Variants in SDHAF3 observed in about 807,000 individuals in gnomAD.
SDHAF3 encodes succinate dehydrogenase assembly factor 3, mitochondrial.
SDHAF3 carries 18 observed loss-of-function variants against 11.5 expected under a neutral mutation model. The ratio of observed to expected loss-of-function variants is 1.56; its 90% CI spans 1.08 to 2.32. The LOEUF is 2.32. SDHAF3 is among the 30% of genes most tolerant of loss of function. The pLI is 0.00. For missense variants in SDHAF3, 200 were observed against 154.4 expected (o/e 1.30, Z -1.57); for synonymous variants, 72 against 59.3 (o/e 1.21, Z -0.99).
chr7:97,179,183 A>G (rs908070458), intron 1 of SDHAF3, among the ~76,000 whole-genome samples: 1 of 152,098 alleles, frequency 6.6e-6, no homozygotes, highest in African/African-American at 2.4e-5. Context: ...TCCTCATTCT[A>G]TTGGTGTTAT....
At chr7:97,144,278 T>G (rs932420348) in intron 1 of SDHAF3, among the ~76,000 whole-genome samples, 2 of 152,200 alleles carry the variant, frequency 1.3e-5, no homozygotes, top group African/African-American at 2.4e-5. Flanking sequence ...TCTCCCACTC[T>G]TGTGTGTTGT....
chr7:97,137,474 G>A (rs1788945303), intron 1 of SDHAF3, among the ~76,000 whole-genome samples: 1 of 152,176 alleles, frequency 6.6e-6, no homozygotes, highest in African/African-American at 2.4e-5. Flanking sequence ...TCAAGGATAT[G>A]GAGAAATTGT....
At chr7:97,131,720 A>G (rs886853290) in intron 1 of SDHAF3, among the ~76,000 whole-genome samples, 1 of 152,198 alleles carries the variant, frequency 6.6e-6, no homozygotes, top group African/African-American at 2.4e-5. Flanking sequence ...ATTAATATGA[A>G]AAGAACTTAT....
chr7:97,173,925 T>C (rs1467494689), intron 1 of SDHAF3, among the ~76,000 whole-genome samples: 2 of 151,020 alleles, frequency 1.3e-5, no homozygotes, highest in African/African-American at 2.4e-5. Context: ...AGCTTTTTTT[T>C]CTTTTTTTTT....
intron 1 of SDHAF3, among the ~76,000 whole-genome samples, chr7:97,132,381 CT>C (rs1260033063): frequency 6.6e-6 from 1 of 151,304 alleles, no homozygotes; most frequent in Non-Finnish European, 1.5e-5. Context: ...CTAAGTATTT[CT>C]TTTTTACGTA....
intron 1 of SDHAF3, among the ~76,000 whole-genome samples, chr7:97,120,174 G>C (rs1013478515): frequency 1.3e-5 from 2 of 152,046 alleles, no homozygotes; most frequent in Non-Finnish European, 2.9e-5. Context: ...TAGTTGACAC[G>C]CGTCTGTAGA....
intron 1 of SDHAF3, among the ~76,000 whole-genome samples, chr7:97,119,255 T>A (rs1584204587): frequency 4.6e-5 from 7 of 152,028 alleles, no homozygotes; most frequent in Admixed American, 4.6e-4. Flanking sequence ...GGAAGGAGAG[T>A]AGCTCTCTGT....
chr7:97,162,765 TGA>T (rs1789434040), intron 1 of SDHAF3, among the ~76,000 whole-genome samples: 1 of 152,234 alleles, frequency 6.6e-6, no homozygotes, highest in African/African-American at 2.4e-5. Flanking sequence ...CTGTTTGTTA[TGA>T]TTTCCATTCT....
chr7:97,127,347 T>C (rs1049478890), intron 1 of SDHAF3, among the ~76,000 whole-genome samples: 1 of 152,246 alleles, frequency 6.6e-6, no homozygotes, highest in Non-Finnish European at 1.5e-5. Context: ...TCTTCTTGAT[T>C]ATGTTCAATT....
chr7:97,121,751 CA>C (rs553831217), intron 1 of SDHAF3, among the ~76,000 whole-genome samples: 1 of 150,024 alleles, frequency 6.7e-6, no homozygotes, highest in South Asian at 2.1e-4. Context: ...TTGAGTAGGT[CA>C]AATTTACCAT....
chr7:97,129,823 C>A (rs367959549), intron 1 of SDHAF3, among the ~76,000 whole-genome samples: 1 of 152,078 alleles, frequency 6.6e-6, no homozygotes, highest in East Asian at 1.9e-4. Flanking sequence ...CTGCTGAGGG[C>A]GAGCCAGGCA....
intron 1 of SDHAF3, among the ~76,000 whole-genome samples, chr7:97,152,898 TCCCGCCATG>T (rs919183878): frequency 1.1e-4 from 16 of 152,116 alleles, no homozygotes; most frequent in African/African-American, 3.9e-4. Flanking sequence ...AGCAATGGTC[TCCCGCCATG>T]CCCGCCATGG....
intron 1 of SDHAF3, among the ~76,000 whole-genome samples, chr7:97,126,648 C>G (rs1444883800): frequency 6.6e-6 from 1 of 152,138 alleles, no homozygotes; most frequent in Non-Finnish European, 1.5e-5. Flanking sequence ...GCCCCTCCCC[C>G]CACCAAGCTG....
chr7:97,171,732 C>T lies in SDHAF3; in HGVS notation c.175-9280C>T, dbSNP rs921631994. ...ATAAGAATAGCCTTTTGTGAGGCAA[C>T]TAATTATCTTTATTTACAGAGCTTG... On this transcript the variant is annotated intron_variant, in intron 1 of 1. Transcript: ENST00000432641. Among the ~76,000 whole-genome samples the T allele has an allele frequency of 2.6e-5, 4 of 151,890 alleles. No homozygotes were observed. In the East Asian group the frequency reaches 5.8e-4, roughly 22 times the overall value.
At chr7:97,118,666 TAG>T (rs1479126661) in intron 1 of SDHAF3, among the ~76,000 whole-genome samples, 1 of 151,926 alleles carries the variant, frequency 6.6e-6, no homozygotes, top group Non-Finnish European at 1.5e-5. Context: ...TGAATGGAAT[TAG>T]AGATTGGAAT....
chr7:97,142,082 C>T (rs1234547315), intron 1 of SDHAF3, among the ~76,000 whole-genome samples: 1 of 99,094 alleles, frequency 1.0e-5, no homozygotes, highest in Non-Finnish European at 1.7e-5. Flanking sequence ...GAGACAGTGT[C>T]TCGCCCTGTT....
intron 1 of SDHAF3, among the ~76,000 whole-genome samples, chr7:97,120,276 C>G (rs1364092645): frequency 6.6e-6 from 1 of 152,106 alleles, no homozygotes; most frequent in Non-Finnish European, 1.5e-5. Context: ...GTAGTAATCT[C>G]TTTGTATAAC....
chr7:97,167,664 G>C (rs1001139230), intron 1 of SDHAF3, among the ~76,000 whole-genome samples: 5 of 152,142 alleles, frequency 3.3e-5, no homozygotes, highest in African/African-American at 1.2e-4. Context: ...GTGGGTGGGG[G>C]ACAGTGAGTC....
intron 1 of SDHAF3, among the ~76,000 whole-genome samples, chr7:97,119,738 C>T (rs1463572412): frequency 6.6e-6 from 1 of 152,146 alleles, no homozygotes; most frequent in African/African-American, 2.4e-5. Flanking sequence ...GACAGTTGCT[C>T]CGTCTTCCTA....
Sources: gnomAD v4.1 joint callset for allele counts (sites outside exome capture counted in the v4.1 genomes callset) on GRCh38, gnomAD v4.1.1 for gene constraint, MANE v1.5 for transcripts, NCBI Gene and HGNC (gene_info 2026-07-23, HGNC 2026-07-21) for gene names.